The following INPP5B variants were observed in gnomAD, a reference collection of about 807,000 sequenced individuals.
INPP5B encodes type II inositol 1,4,5-trisphosphate 5-phosphatase.
Under a neutral mutation model 118.5 loss-of-function variants are expected in INPP5B, and 90 were observed. That is an observed-to-expected ratio of 0.76 (90% CI 0.64 to 0.90). The LOEUF (loss-of-function observed/expected upper bound fraction) is 0.90, where lower values mean the gene tolerates loss of function less well. INPP5B is among the 40% of genes least tolerant of loss of function. INPP5B has a pLI of 0.00. For synonymous variants in INPP5B, 385 were observed against 418.9 expected (o/e 0.92, Z 0.99); for missense variants, 984 against 1,125.6 (o/e 0.87, Z 1.80).
At chr1:37,903,062 C>A (rs1644387421) in intron 7 of INPP5B, among the ~76,000 whole-genome samples, 1 of 152,038 alleles carries the variant, frequency 6.6e-6, no homozygotes, top group East Asian at 1.9e-4. Context: ...TAACTTAAAT[C>A]ATTTTATCAG....
chr1:37,897,110 G>A (rs994968940), intron 7 of INPP5B, among the ~76,000 whole-genome samples: 2 of 147,648 alleles, frequency 1.4e-5, no homozygotes, highest in Non-Finnish European at 3.0e-5. Flanking sequence ...GAGGGAGGTC[G>A]GGGGGGTCAG....
intron 7 of INPP5B, among the ~76,000 whole-genome samples, chr1:37,898,919 C>T (rs1409752512): frequency 2.0e-5 from 3 of 151,976 alleles, no homozygotes; most frequent in African/African-American, 7.3e-5. Flanking sequence ...CAGTGGCTCA[C>T]GTCTGTAATC....
intron 7 of INPP5B, among the ~76,000 whole-genome samples, chr1:37,927,437 T>C (rs954512415): frequency 6.6e-6 from 1 of 152,104 alleles, no homozygotes; most frequent in African/African-American, 2.4e-5. Flanking sequence ...CCAAAAGCAT[T>C]ACCTGACTTC....
intron 6 of INPP5B, among the ~76,000 whole-genome samples, chr1:37,933,973 G>A (rs930679195): frequency 4.0e-5 from 6 of 149,566 alleles, no homozygotes; most frequent in East Asian, 2.0e-4. Context: ...TTGCTCTGTC[G>A]CCCAGGCTGG....
intron 7 of INPP5B, among the ~76,000 whole-genome samples, chr1:37,897,100 G>A (rs1333191990): frequency 6.6e-6 from 1 of 150,382 alleles, no homozygotes; most frequent in African/African-American, 2.4e-5. Context: ...CCCCGTCCAG[G>A]AGGGAGGTCG....
At chr1:37,943,747 C>G (rs559364141) in intron 4 of INPP5B, 49 bp downstream of exon 4, 8 of 1,609,790 alleles carry the variant, frequency 5.0e-6, no homozygotes, top group Non-Finnish European at 6.8e-6. Context: ...CAAAGATGAG[C>G]TGGGGGGCCC....
chr1:37,890,079 T>C (rs1324914230), intron 8 of INPP5B, among the ~76,000 whole-genome samples: 2 of 152,112 alleles, frequency 1.3e-5, no homozygotes, highest in East Asian at 3.9e-4. Context: ...TGGGATTCAA[T>C]CATGTAATTG....
At chr1:37,876,816 C>T (rs1371054803) in intron 16 of INPP5B, among the ~76,000 whole-genome samples, 1 of 149,806 alleles carries the variant, frequency 6.7e-6, no homozygotes, top group Non-Finnish European at 1.5e-5. Flanking sequence ...GGAGGCGGAG[C>T]TTGCAGTGAG....
intron 6 of INPP5B, among the ~76,000 whole-genome samples, chr1:37,935,092 T>A (rs542277239): frequency 1.2e-3 from 185 of 148,846 alleles, no homozygotes; most frequent in African/African-American, 4.3e-3. Flanking sequence ...TCCCAGCTAC[T>A]CGGGAGGCTG....
Position 37,943,710 on chromosome 1 carries a change from T to C in INPP5B, c.251-41A>G. On this transcript the variant is annotated intron_variant, in intron 4 of 23. Coordinates refer to ENST00000373024, the MANE Select transcript of INPP5B (RefSeq NM_005540.3). ...TGAGAATGCCCTTAGCAATTGAGCTTACTCCCCCTTGCCCCCCCATCAAGG... is the reference window on the plus strand; with the variant it reads ...TGAGAATGCCCTTAGCAATTGAGCTCACTCCCCCTTGCCCCCCCATCAAGG... 4 of 1,613,620 alleles carry C rather than the reference T, an allele frequency of 2.5e-6. No homozygotes were observed. In the South Asian group the frequency reaches 4.4e-5, roughly 18 times the overall value.
At position 37,946,353 on chromosome 1, in the gene INPP5B, G is replaced by A. The variant is rs780315808; in HGVS notation, c.-26-19C>T. ...ACACACCCTGTGGGAGGGGAGATAG[G>A]AGCCCCGCTTTGGTCAACAAGTTAC... On this transcript the variant is annotated intron_variant, in intron 1 of 23. Transcript: ENST00000373024. 6.3e-7 allele frequency: 1 copy of A among 1,586,582 alleles called. No individual in the cohort carries two copies. The highest frequency in any genetic ancestry group is 8.6e-7 in the Non-Finnish European group (1 of 1,163,952).
At chr1:37,944,485 A>C (rs1218552324) in intron 3 of INPP5B, among the ~76,000 whole-genome samples, 1 of 152,170 alleles carries the variant, frequency 6.6e-6, no homozygotes, top group South Asian at 2.1e-4. Context: ...CTTGAACTCA[A>C]GCAGTCCTCC....
chr1:37,908,248 C>G (rs547916345), intron 7 of INPP5B, among the ~76,000 whole-genome samples: 4 of 152,300 alleles, frequency 2.6e-5, no homozygotes, highest in Admixed American at 2.6e-4. Context: ...GGAGACCAGT[C>G]CCCTGTCTTC....
chr1:37,902,275 C>G (rs1237090086), intron 7 of INPP5B, among the ~76,000 whole-genome samples: 1 of 152,158 alleles, frequency 6.6e-6, no homozygotes, highest in African/African-American at 2.4e-5. Context: ...GCGTGAGCCA[C>G]CTCACCCAGC....
chr1:37,914,258 T>C (rs1195484200), intron 7 of INPP5B, among the ~76,000 whole-genome samples: 1 of 152,246 alleles, frequency 6.6e-6, no homozygotes, highest in Non-Finnish European at 1.5e-5. Context: ...GCTCTGTCTA[T>C]GGAGTAGCCA....
intron 7 of INPP5B, among the ~76,000 whole-genome samples, chr1:37,921,190 G>A (rs1327579559): frequency 6.6e-6 from 1 of 152,192 alleles, no homozygotes; most frequent in Non-Finnish European, 1.5e-5. Flanking sequence ...CTCAAAGTAA[G>A]TGCTTAATAA....
rs919268088 is a variant in INPP5B at position 37,940,768 on chromosome 1, G to C, written c.311C>G (p.Ala104Gly). The change falls in exon 6 of 24, where the codon GCA (alanine) becomes GGA (glycine). Residue 104 changes from alanine (A) to glycine (G), a missense_variant. Ala to Gly is a moderately conservative substitution (Grantham distance 60). Coordinates refer to ENST00000373024, the MANE Select transcript of INPP5B (RefSeq NM_005540.3). ...CAGTTGGAATACGAGGCTAAGCTCTGCTGTGTCCAGCTGGACGGTCACATC... is the reference window on the plus strand; with the variant it reads ...CAGTTGGAATACGAGGCTAAGCTCTCCTGTGTCCAGCTGGACGGTCACATC... ...GSDVTVQLDT[A>G]ELSLVFQLPF... 1 of 1,613,720 alleles carries C rather than the reference G, an allele frequency of 6.2e-7. No individual in the cohort carries two copies. The highest frequency in any genetic ancestry group is 1.3e-5 in the African/African-American group (1 of 74,930).
intron 7 of INPP5B, among the ~76,000 whole-genome samples, chr1:37,914,954 T>C (rs940554984): frequency 8.5e-5 from 13 of 152,180 alleles, no homozygotes; most frequent in Non-Finnish European, 7.3e-5. Context: ...TGTACTCTCA[T>C]TGACCACCTT....
intron 8 of INPP5B, among the ~76,000 whole-genome samples, chr1:37,890,873 GA>G (rs1397634634): frequency 3.7e-4 from 57 of 152,242 alleles, no homozygotes; most frequent in African/African-American, 1.3e-3. Context: ...GCTAAAATAA[GA>G]TAGTCCAAAT....
Sources: gnomAD v4.1 joint callset for allele counts (sites outside exome capture counted in the v4.1 genomes callset) on GRCh38, gnomAD v4.1.1 for gene constraint, MANE v1.5 for transcripts, NCBI Gene and HGNC (gene_info 2026-07-23, HGNC 2026-07-21) for gene names.